ZFHX4: variants seen among roughly 807,000 people sequenced by gnomAD.
The protein encoded by ZFHX4 is zinc finger homeobox protein 4.
A neutral mutation model predicts 267.6 loss-of-function variants in ZFHX4; 56 were observed. The observed-to-expected ratio is 0.21, with a 90% confidence interval of 0.17 to 0.26. ZFHX4 has a LOEUF of 0.26. Ranked by LOEUF, ZFHX4 falls within the 10% of genes least tolerant of loss-of-function variation. ZFHX4 has a pLI of 1.00. For missense variants in ZFHX4, 4,332 were observed against 4,420.0 expected (o/e 0.98, Z 0.56); for synonymous variants, 1,778 against 1,665.6 (o/e 1.07, Z -1.64).
chr8:76,707,489 T>G (rs1304152689), intron 2 of ZFHX4, 57 bp from the exon 3 acceptor site: 3 of 1,394,814 alleles, frequency 2.2e-6, no homozygotes, highest in Non-Finnish European at 2.8e-6. Context: ...ACAGATTCCT[T>G]TGTGTGTGCT....
At chr8:76,833,043 G>A (rs1811977067) in intron 4 of ZFHX4, among the ~76,000 whole-genome samples, 1 of 152,024 alleles carries the variant, frequency 6.6e-6, no homozygotes, top group Non-Finnish European at 1.5e-5. Flanking sequence ...TATAGGCTTG[G>A]CCAAATAGTC....
chr8:76,793,666 C>G (rs1810897986), intron 4 of ZFHX4, among the ~76,000 whole-genome samples: 1 of 152,164 alleles, frequency 6.6e-6, no homozygotes, highest in Non-Finnish European at 1.5e-5. Context: ...TAATTGCCAT[C>G]ATTTACTCAT....
At chr8:76,695,628 G>A (rs926142788) in intron 1 of ZFHX4, among the ~76,000 whole-genome samples, 9 of 152,314 alleles carry the variant, frequency 5.9e-5, no homozygotes, top group African/African-American at 1.7e-4. Flanking sequence ...TCTTATCTTT[G>A]ATAGACCAAT....
chr8:76,828,339 G>A (rs150201127), intron 4 of ZFHX4, among the ~76,000 whole-genome samples: 2 of 152,052 alleles, frequency 1.3e-5, no homozygotes, highest in Non-Finnish European at 2.9e-5. Context: ...GGGATGCCTA[G>A]AGGCAGTGCT....
intron 3 of ZFHX4, among the ~76,000 whole-genome samples, chr8:76,753,163 A>G (rs888551423): frequency 3.9e-5 from 6 of 152,196 alleles, no homozygotes; most frequent in African/African-American, 1.4e-4. Flanking sequence ...ACCATACTCC[A>G]GGCTTCTCTA....
rs1242126492 is a variant in ZFHX4, at chr8:76,853,544, T to C, written c.6623T>C (p.Ile2208Thr). 2 of 1,613,922 alleles carry C rather than the reference T, an allele frequency of 1.2e-6. No homozygotes were observed. Among genetic ancestry groups the C allele is most frequent in the South Asian group, 1.1e-5 (1 of 91,078 alleles). The change falls in exon 10 of 11, where the codon ATT becomes ACT. Residue 2208 changes from isoleucine to threonine, a missense_variant. This residue lies in a region of ZFHX4 where 48 missense variants were observed against 95.4 expected (regional missense o/e 0.50). Transcript: ENST00000651372. ...ATAACGGTTTTAGAAGATATCAGAA[T>C]TGATCCACAGCCCACCTCTTTAGAA... ...PPITVLEDIR[I>T]DPQPTSLEHY...
At chr8:76,820,379 G>A (rs776792581) in intron 4 of ZFHX4, among the ~76,000 whole-genome samples, 1 of 151,988 alleles carries the variant, frequency 6.6e-6, no homozygotes, top group Non-Finnish European at 1.5e-5. Flanking sequence ...CTGTTATCAT[G>A]TATTGTAATG....
At chr8:76,766,952 C>T (rs1467686609) in intron 3 of ZFHX4, among the ~76,000 whole-genome samples, 1 of 151,788 alleles carries the variant, frequency 6.6e-6, no homozygotes, top group African/African-American at 2.4e-5. Flanking sequence ...TAGTTTTTTT[C>T]CCTAACACTC....
chr8:76,864,491 G>A lies in ZFHX4; in HGVS notation c.10777G>A (p.Glu3593Lys), dbSNP rs865883689. Residue 3593 changes from glutamate to lysine, a missense_variant, in exon 11 of 11, where the codon GAA becomes AAA. This residue lies in a region of ZFHX4 where 1,648 missense variants were observed against 1,625.0 expected (regional missense o/e 1.01). Transcript: ENST00000651372. ...GCTAGAAGACTTAGATAATTCTTTG[G>A]AAGTGAAGGCTAAGCCTGCTTCTGG... ...QKLEDLDNSL[E>K]VKAKPASGLD... 1.2e-6 allele frequency: 2 copies of A among 1,613,512 alleles called. No homozygotes were observed. The highest frequency in any genetic ancestry group is 4.5e-5 in the East Asian group (2 of 44,812).
chr8:76,863,974 T>G lies in ZFHX4; in HGVS notation c.10260T>G (p.Asn3420Lys). 2 of 1,613,148 alleles carry G rather than the reference T, an allele frequency of 1.2e-6. No homozygotes were observed. The highest frequency in any genetic ancestry group is 1.7e-6 in the Non-Finnish European group (2 of 1,179,550). Residue 3420 changes from asparagine (N) to lysine (K), a missense_variant, in exon 11 of 11, where the codon AAT becomes AAG. Asn to Lys is a moderately conservative substitution (Grantham distance 94, BLOSUM62 0). Around this residue, in one of 7 missense-constraint regions of ZFHX4, gnomAD observed 1,648 missense variants for 1,625.0 expected, o/e 1.01. Transcript: ENST00000651372. ...TTACTGATGAAGACGCCGCAGTAAA[T>G]CATCAAAAGTCCTTCTGTTATTTCG... ...MMFTDEDAAV[N>K]HQKSFCYFGQ...
At chr8:76,684,253 T>C (rs1563458294) in intron 1 of ZFHX4, among the ~76,000 whole-genome samples, 2 of 146,946 alleles carry the variant, frequency 1.4e-5, no homozygotes, top group African/African-American at 2.5e-5. Context: ...TTCCTCATCT[T>C]AAAAAAAAAA....
At position 76,849,652 on chromosome 8, in the gene ZFHX4, A is replaced by T. The variant is rs767559418; in HGVS notation, c.3786A>T (p.Gln1262His). ...TCCTCAGCAACAAAATGCATCTCCA[A>T]CTGCATCTGACGCATTTGCACAGTG... ...QDVLSNKMHLQLHLTHLHSVS... is the reference protein window; with the variant it reads ...QDVLSNKMHLHLHLTHLHSVS... The change falls in exon 8 of 11, where the codon CAA becomes CAT. Residue 1262 changes from glutamine (Q) to histidine (H), a missense_variant. Transcript: ENST00000651372. 1.1e-5 allele frequency: 17 copies of T among 1,613,772 alleles called. No homozygotes were observed. Among genetic ancestry groups the T allele is most frequent in the Middle Eastern group, 1.6e-4 (1 of 6,080 alleles).
At chr8:76,707,330 A>G (rs1197837530) in intron 2 of ZFHX4, among the ~76,000 whole-genome samples, 1 of 152,226 alleles carries the variant, frequency 6.6e-6, no homozygotes, top group African/African-American at 2.4e-5. Flanking sequence ...TCAGAATGAC[A>G]TCATGCCCAG....
At chr8:76,802,130 C>A (rs1318099895) in intron 4 of ZFHX4, among the ~76,000 whole-genome samples, 2 of 152,136 alleles carry the variant, frequency 1.3e-5, no homozygotes, top group African/African-American at 4.8e-5. Context: ...GAAATTGAAA[C>A]CTGTCTGCTG....
At chr8:76,753,509 C>T (rs1563502032) in intron 3 of ZFHX4, among the ~76,000 whole-genome samples, 1 of 151,966 alleles carries the variant, frequency 6.6e-6, no homozygotes, top group Non-Finnish European at 1.5e-5. Context: ...TTCTCTTTGT[C>T]TTTTGCTACA....
chr8:76,693,717 G>A (rs1807882361), intron 1 of ZFHX4, among the ~76,000 whole-genome samples: 1 of 152,192 alleles, frequency 6.6e-6, no homozygotes, highest in East Asian at 1.9e-4. Flanking sequence ...GTTAGAGATA[G>A]GACCACAATT....
intron 1 of ZFHX4, among the ~76,000 whole-genome samples, chr8:76,703,244 A>G (rs1563468845): frequency 6.6e-6 from 1 of 152,268 alleles, no homozygotes; most frequent in South Asian, 2.1e-4. Context: ...ACTCACCAGG[A>G]TTGGTAACAT....
intron 3 of ZFHX4, among the ~76,000 whole-genome samples, chr8:76,751,397 C>A (rs969896908): frequency 6.6e-6 from 1 of 152,162 alleles, no homozygotes; most frequent in African/African-American, 2.4e-5. Context: ...AACCTCCAGT[C>A]TCTCCCTCAG....
chr8:76,844,555 T>G (rs1172157519), intron 6 of ZFHX4, among the ~76,000 whole-genome samples: 1 of 152,104 alleles, frequency 6.6e-6, no homozygotes, highest in East Asian at 1.9e-4. Context: ...TGCCACTTAC[T>G]GCTCCGCAAA....
Sources: allele counts gnomAD v4.1 joint callset (sites outside exome capture counted in the v4.1 genomes callset), GRCh38; gene constraint gnomAD v4.1.1; regional missense constraint gnomAD v4.1.1; transcripts MANE v1.5; gene names NCBI Gene and HGNC (gene_info 2026-07-23, HGNC 2026-07-21).